Variants in CYRIB observed in about 807,000 individuals in gnomAD.
CYRIB encodes the protein CYFIP-related Rac1 interactor B.
A neutral mutation model predicts 44.2 loss-of-function variants in CYRIB; 8 were observed. The observed-to-expected ratio is 0.18, with a 90% CI of 0.11 to 0.33. The LOEUF (loss-of-function observed/expected upper bound fraction) is 0.33, where lower values mean the gene tolerates loss of function less well. Ranked by LOEUF, CYRIB falls within the 10% of genes least tolerant of loss-of-function variation. The pLI is 1.00. For synonymous variants in CYRIB, 131 were observed against 127.2 expected (o/e 1.03, Z -0.20); for missense variants, 185 against 382.8 (o/e 0.48, Z 4.31).
chr8:129,871,593 T>A lies in CYRIB; in HGVS notation c.74-97A>T, dbSNP rs1008946227. ...AATTAACAACCCAAATTTCCAAAGA[T>A]GAGTTAATTCTAGTTAATGTTAACT... On this transcript the variant is annotated intron_variant, in intron 3 of 11. Transcript: ENST00000519824. The A allele has an allele frequency of 5.6e-6, 7 of 1,248,540 alleles. No homozygotes were observed. The South Asian group carries it at 1.0e-4, about 18-fold the overall frequency. 77.3% of individuals were successfully genotyped at this position (1,248,540 alleles called of 1,614,324 possible).
intron 1 of CYRIB, among the ~76,000 whole-genome samples, chr8:129,908,731 C>T (rs907956989): frequency 6.6e-6 from 1 of 152,150 alleles, no homozygotes; most frequent in Non-Finnish European, 1.5e-5. Flanking sequence ...GAGGATTCCT[C>T]TATGTCATCC....
chr8:129,901,861 T>C (rs1422377582), intron 2 of CYRIB: 1 of 152,218 alleles, frequency 6.6e-6, no homozygotes, highest in Non-Finnish European at 1.5e-5. Context: ...TTCTCTAACA[T>C]GAGAAACACA....
At chr8:129,844,809 A>G (rs1320460680) in intron 11 of CYRIB, among the ~76,000 whole-genome samples, 4 of 152,250 alleles carry the variant, frequency 2.6e-5, no homozygotes, top group Non-Finnish European at 5.9e-5. Context: ...AATGCTTTCT[A>G]AACATGTGCT....
Position 129,862,338 on chromosome 8 carries a change from C to T in CYRIB, c.196-4G>A. 1 of 1,580,744 alleles carries T rather than the reference C, an allele frequency of 6.3e-7. No homozygotes were observed. Among genetic ancestry groups the T allele is most frequent in the Non-Finnish European group, 8.6e-7 (1 of 1,159,752 alleles). ...CATCTGCTGGATGCTGGATTGCCTT[C>T]AAAATCCAAAGAATAAAAATAGTTA... On this transcript the variant is annotated splice_polypyrimidine_tract_variant and splice_region_variant and intron_variant, in intron 4 of 11. Coordinates refer to ENST00000519824, the Ensembl canonical transcript of CYRIB.
At chr8:129,940,414 T>A (rs1489819138), upstream of CYRIB, among the ~76,000 whole-genome samples, 2 of 152,056 alleles carry the variant, frequency 1.3e-5, no homozygotes, top group East Asian at 3.9e-4. Flanking sequence ...CGCCCTTGGG[T>A]GGTGAAAAAT....
At chr8:129,900,968 G>A (rs1217307039) in intron 2 of CYRIB, among the ~76,000 whole-genome samples, 8 of 152,246 alleles carry the variant, frequency 5.3e-5, no homozygotes, top group Non-Finnish European at 7.4e-5. Context: ...GCCACCACGC[G>A]CCCAGCCCTG....
intron 1 of CYRIB, among the ~76,000 whole-genome samples, chr8:130,003,163 C>T (rs940122864): frequency 1.3e-5 from 2 of 152,192 alleles, no homozygotes; most frequent in African/African-American, 4.8e-5. Flanking sequence ...GTCAAGGCTG[C>T]ATCATGATCG....
intron 8 of CYRIB, chr8:129,851,177 G>T (rs2043056008): frequency 4.7e-6 from 2 of 427,488 alleles, no homozygotes; most frequent in African/African-American, 2.0e-5. Flanking sequence ...GCAGACAGGG[G>T]GTCAAAGGTG....
chr8:129,998,989 A>G (rs1349716175), intron 1 of CYRIB, among the ~76,000 whole-genome samples: 5 of 152,298 alleles, frequency 3.3e-5, no homozygotes, highest in South Asian at 2.1e-4. Flanking sequence ...TCTTTAATTC[A>G]GCGCCGACAA....
At chr8:130,002,422 C>T (rs556926780) in intron 1 of CYRIB, among the ~76,000 whole-genome samples, 1 of 152,082 alleles carries the variant, frequency 6.6e-6, no homozygotes, top group East Asian at 1.9e-4. Context: ...GATCACACCA[C>T]AGCACTCCAA....
chr8:129,984,753 C>T (rs928457029), intron 1 of CYRIB, among the ~76,000 whole-genome samples: 6 of 152,124 alleles, frequency 3.9e-5, no homozygotes, highest in African/African-American at 7.2e-5. Context: ...CTCCAACCAC[C>T]AAGTGGTGGG....
At chr8:129,951,228 T>C (rs1336307370) in intron 2 of CYRIB, among the ~76,000 whole-genome samples, 1 of 152,022 alleles carries the variant, frequency 6.6e-6, no homozygotes, top group Non-Finnish European at 1.5e-5. Flanking sequence ...CACTTGAGCC[T>C]GGGAGACAGA....
intron 1 of CYRIB, among the ~76,000 whole-genome samples, chr8:130,012,409 CA>C (rs1220690390): frequency 6.6e-6 from 1 of 152,180 alleles, no homozygotes; most frequent in Non-Finnish European, 1.5e-5. Context: ...GCTCTATTCC[CA>C]AAGGAAACTG....
chr8:130,010,420 C>T (rs1482168590), intron 1 of CYRIB, among the ~76,000 whole-genome samples: 2 of 152,170 alleles, frequency 1.3e-5, no homozygotes, highest in Non-Finnish European at 2.9e-5. Context: ...GATGCTTCCC[C>T]CCAGGAGGTC....
At chr8:129,873,878 C>T (rs1411936150) in intron 3 of CYRIB, among the ~76,000 whole-genome samples, 3 of 151,920 alleles carry the variant, frequency 2.0e-5, no homozygotes, top group Non-Finnish European at 4.4e-5. Flanking sequence ...CCCAGCACCA[C>T]AATGATTAAA....
At chr8:129,846,577 A>G (rs145571076) in intron 11 of CYRIB, among the ~76,000 whole-genome samples, 1 of 152,370 alleles carries the variant, frequency 6.6e-6, no homozygotes, top group East Asian at 1.9e-4. Context: ...ATCTTCAACC[A>G]GAAAATGAAG....
At chr8:129,855,781 T>C in intron 5 of CYRIB, 34 bp from the exon 8 acceptor site, 2 of 1,571,412 alleles carry the variant, frequency 1.3e-6, no homozygotes, top group South Asian at 1.2e-5. Context: ...CATTAAGTTG[T>C]TTGTATCTGT....
chr8:130,004,916 G>A (rs984307735), intron 1 of CYRIB, among the ~76,000 whole-genome samples: 11 of 151,840 alleles, frequency 7.2e-5, no homozygotes, highest in Non-Finnish European at 1.3e-4. Flanking sequence ...ACAGGCACGT[G>A]CCACCACACC....
intron 1 of CYRIB, among the ~76,000 whole-genome samples, chr8:130,000,430 C>T (rs995367959): frequency 9.9e-5 from 15 of 152,032 alleles, no homozygotes; most frequent in Admixed American, 7.9e-4. Context: ...CAGGGGCTCA[C>T]GTCTGTGATA....
Sources: gnomAD v4.1 joint callset for allele counts (sites outside exome capture counted in the v4.1 genomes callset) on GRCh38, gnomAD v4.1.1 for gene constraint, MANE v1.5 for transcripts, NCBI Gene and HGNC (gene_info 2026-07-23, HGNC 2026-07-21) for gene names.